KCNIP4: variants seen among roughly 807,000 people sequenced by gnomAD.
The protein encoded by KCNIP4 is potassium voltage-gated channel interacting protein 4.
A neutral mutation model predicts 34.0 loss-of-function variants in KCNIP4; 12 were observed. The ratio of observed to expected loss-of-function variants is 0.35; its 90% CI spans 0.23 to 0.57. The LOEUF (loss-of-function observed/expected upper bound fraction) is 0.57. KCNIP4 is among the 20% of genes least tolerant of loss of function. The probability of loss-of-function intolerance (pLI) is 0.83; values close to 1 mark genes in which losing one functional copy is unlikely to be tolerated. For missense variants in KCNIP4, 238 were observed against 311.7 expected (o/e 0.76, Z 1.78); for synonymous variants, 124 against 102.2 (o/e 1.21, Z -1.29).
At chr4:21,473,221 A>G (rs979747704) in intron 1 of KCNIP4, among the ~76,000 whole-genome samples, 6 of 152,188 alleles carry the variant, frequency 3.9e-5, no homozygotes, top group Admixed American at 3.9e-4. Flanking sequence ...TTTGGGGACC[A>G]TTTGTTACTG....
At chr4:20,848,526 T>C (rs1008560146) in intron 3 of KCNIP4, among the ~76,000 whole-genome samples, 1 of 151,598 alleles carries the variant, frequency 6.6e-6, no homozygotes, top group Admixed American at 6.6e-5. Context: ...AAGCAATGAA[T>C]GCAGACTTTG....
At chr4:20,844,815 G>A (rs1404887758) in intron 3 of KCNIP4, among the ~76,000 whole-genome samples, 1 of 152,144 alleles carries the variant, frequency 6.6e-6, no homozygotes, top group Non-Finnish European at 1.5e-5. Context: ...CACTTTGAAT[G>A]GGGTGGAAAA....
At chr4:20,863,481 C>T (rs779303897) in intron 2 of KCNIP4, among the ~76,000 whole-genome samples, 18 of 152,248 alleles carry the variant, frequency 1.2e-4, no homozygotes, top group Admixed American at 7.9e-4. Flanking sequence ...CCAGAGGCTG[C>T]CTGACCCCTA....
chr4:20,764,624 C>A (rs1755226357), intron 3 of KCNIP4, among the ~76,000 whole-genome samples: 1 of 151,386 alleles, frequency 6.6e-6, no homozygotes, highest in Non-Finnish European at 1.5e-5. Flanking sequence ...GCCACCGCAG[C>A]TTTATGAGAA....
chr4:21,843,020 T>C (rs1448895885), intron 1 of KCNIP4, among the ~76,000 whole-genome samples: 1 of 152,120 alleles, frequency 6.6e-6, no homozygotes, highest in Non-Finnish European at 1.5e-5. Flanking sequence ...ATTAAAACTT[T>C]ATTATCAGAA....
Position 21,493,394 on chromosome 4 carries a change from C to T in KCNIP4, c.61+455177G>A, listed in dbSNP as rs1732574544. Among the ~76,000 whole-genome samples the T allele has an allele frequency of 3.3e-5, 5 of 151,044 alleles. No homozygotes were observed. The South Asian group carries it at 1.0e-3, about 32-fold the overall frequency. On this transcript the variant is annotated intron_variant, in intron 1 of 8. Coordinates refer to ENST00000382152, the MANE Select transcript of KCNIP4 (RefSeq NM_025221.6). ...CATCAAGTGCAAGGAACTTCAGCTA[C>T]TGCATTCCCTCTCTATCCTGCTCCC...
chr4:21,430,894 T>TA lies in KCNIP4; in HGVS notation c.61+517676dup, dbSNP rs1269696001. On this transcript the variant is annotated intron_variant, in intron 1 of 8. Transcript: ENST00000382152. ...GTGTGGAGCCAAAGATAAAAATAGT[T>TA]ACGCAATTTCAAATAAATCCAAAGA... is the stretch of plus-strand genomic sequence containing the variant. Among the ~76,000 whole-genome samples the TA allele has an allele frequency of 5.3e-5, 8 of 151,698 alleles. No homozygotes were observed. The South Asian group carries it at 1.5e-3, about 28-fold the overall frequency.
chr4:21,030,981 G>A (rs1740973182), intron 1 of KCNIP4, among the ~76,000 whole-genome samples: 1 of 152,206 alleles, frequency 6.6e-6, no homozygotes, highest in South Asian at 2.1e-4. Context: ...TGTTCCCCAG[G>A]CCCAGAGAAA....
intron 1 of KCNIP4, among the ~76,000 whole-genome samples, chr4:21,661,001 C>T (rs1748405174): frequency 6.6e-6 from 1 of 152,188 alleles, no homozygotes; most frequent in East Asian, 1.9e-4. Flanking sequence ...CTCTGGCCTG[C>T]CATGCCCCTA....
chr4:21,874,097 T>C (rs1725963721), intron 1 of KCNIP4, among the ~76,000 whole-genome samples: 2 of 152,248 alleles, frequency 1.3e-5, no homozygotes, highest in South Asian at 4.1e-4. Context: ...GGAGTAGCAC[T>C]GTTATTCGAA....
rs183605125 is a variant in KCNIP4 at position 21,043,363 on chromosome 4, T to G, written c.62-160654A>C. Among the ~76,000 whole-genome samples, 45 of 152,370 alleles carry G rather than the reference T, an allele frequency of 3.0e-4. 1 individual carries two copies. In the East Asian group the frequency reaches 7.1e-3, roughly 24 times the overall value. On this transcript the variant is annotated intron_variant, in intron 1 of 8. Coordinates refer to ENST00000382152, the MANE Select transcript of KCNIP4 (RefSeq NM_025221.6). ...TTGTTTGTTTGAGACGGAGTCTCACTCTGTCATCCAGGCTGGAGTGCATTG... is the reference window on the plus strand; with the variant it reads ...TTGTTTGTTTGAGACGGAGTCTCACGCTGTCATCCAGGCTGGAGTGCATTG...
intron 1 of KCNIP4, among the ~76,000 whole-genome samples, chr4:21,296,244 A>C (rs1309614570): frequency 6.6e-6 from 1 of 152,046 alleles, no homozygotes; most frequent in Non-Finnish European, 1.5e-5. Flanking sequence ...ATCAATGACA[A>C]TTTTGCATTA....
At chr4:21,835,819 G>C (rs1338310221) in intron 1 of KCNIP4, among the ~76,000 whole-genome samples, 1 of 151,914 alleles carries the variant, frequency 6.6e-6, no homozygotes, top group Non-Finnish European at 1.5e-5. Flanking sequence ...AATCAAATGA[G>C]GCATATTTGA....
intron 1 of KCNIP4, among the ~76,000 whole-genome samples, chr4:21,144,324 G>A (rs1269748000): frequency 3.3e-5 from 5 of 151,382 alleles, no homozygotes; most frequent in Non-Finnish European, 5.9e-5. Context: ...ATCTGTATAA[G>A]AGTCATTATT....
intron 1 of KCNIP4, among the ~76,000 whole-genome samples, chr4:21,423,808 A>T (rs1287810670): frequency 3.5e-5 from 5 of 141,362 alleles, no homozygotes; most frequent in African/African-American, 1.0e-4. Flanking sequence ...ACTTATGAGA[A>T]TTTTTTTTTT....
intron 1 of KCNIP4, among the ~76,000 whole-genome samples, chr4:21,626,501 CA>C (rs2109191438): frequency 6.6e-6 from 1 of 151,890 alleles, no homozygotes; most frequent in African/African-American, 2.4e-5. Flanking sequence ...ACCTTGCTGG[CA>C]CATTGATCTT....
intron 1 of KCNIP4, among the ~76,000 whole-genome samples, chr4:21,179,535 T>C (rs1296944772): frequency 6.6e-6 from 1 of 152,164 alleles, no homozygotes; most frequent in Non-Finnish European, 1.5e-5. Context: ...TGGGGTGTTT[T>C]AGAAAAATAG....
At chr4:20,969,020 T>A (rs1734662777) in intron 1 of KCNIP4, among the ~76,000 whole-genome samples, 1 of 152,162 alleles carries the variant, frequency 6.6e-6, no homozygotes, top group Admixed American at 6.5e-5. Context: ...TACTACTAAG[T>A]CCCAGGAAAT....
chr4:21,593,463 TC>T (rs1742382598), intron 1 of KCNIP4, among the ~76,000 whole-genome samples: 9 of 152,218 alleles, frequency 5.9e-5, no homozygotes, highest in African/African-American at 2.2e-4. Flanking sequence ...ATTAGAATTC[TC>T]GGATTCTGAG....
Sources: gnomAD v4.1 joint callset for allele counts (sites outside exome capture counted in the v4.1 genomes callset) on GRCh38, gnomAD v4.1.1 for gene constraint, MANE v1.5 for transcripts, NCBI Gene and HGNC (gene_info 2026-07-23, HGNC 2026-07-21) for gene names.